GLRA2: variants seen among roughly 807,000 people sequenced by gnomAD.
GLRA2 encodes the protein glycine receptor alpha 2.
Under a neutral mutation model 31.6 loss-of-function variants are expected in GLRA2, and 11 were observed. The observed-to-expected ratio is 0.35, with a 90% CI of 0.22 to 0.58. GLRA2 has a LOEUF of 0.58. Ranked by LOEUF, GLRA2 falls within the 20% of genes least tolerant of loss-of-function variation. GLRA2 has a pLI of 0.84. For missense variants in GLRA2, 212 were observed against 351.8 expected, an observed-to-expected ratio of 0.60 and a Z score of 3.18; for synonymous variants, 132 against 134.0, an observed-to-expected ratio of 0.99 and a Z score of 0.10.
In GLRA2 at chrX:14,614,859, TAGG is replaced by T. The variant is rs1293186928; in HGVS notation, c.930+5657_930+5659del. 5.4e-5 allele frequency among the ~76,000 whole-genome samples: 6 copies of T among 111,870 alleles called. No homozygotes were observed. The East Asian group carries it at 1.4e-3, about 27-fold the overall frequency. ...GTATAAACCACCTTCTATCCATCTT[TAGG>T]AGAACAGGGAGAATGCCACAGCACT... is the stretch of plus-strand genomic sequence containing the variant. On this transcript the variant is annotated intron_variant, in intron 7 of 8. Coordinates refer to ENST00000218075, the MANE Select transcript of GLRA2 (RefSeq NM_002063.4).
At chrX:14,723,656 C>T (rs750457899) in intron 8 of GLRA2, among the ~76,000 whole-genome samples, 18 of 111,680 alleles carry the variant, frequency 1.6e-4, no homozygotes, top group Non-Finnish European at 3.0e-4. Context: ...CCACACTCCC[C>T]CTGTATTCCA....
the GLRA2 span, among the ~76,000 whole-genome samples, chrX:14,506,100 T>G: frequency 7.2e-5 from 8 of 111,550 alleles, no homozygotes; most frequent in Admixed American, 3.8e-4. Context: ...CTTTGCTTAC[T>G]CTCAAAGTCA....
At chrX:14,508,191 C>T in the GLRA2 span, among the ~76,000 whole-genome samples, 1 of 111,954 alleles carries the variant, frequency 8.9e-6, no homozygotes, top group East Asian at 2.8e-4. Flanking sequence ...AAATCTGTTT[C>T]AAAAGCACAC....
intron 4 of GLRA2, among the ~76,000 whole-genome samples, chrX:14,601,181 T>C (rs1035071607): frequency 1.8e-5 from 2 of 111,621 alleles, no homozygotes; most frequent in African/African-American, 6.5e-5. Flanking sequence ...AACTCCATAA[T>C]TGACAACAAT....
chrX:14,531,388 A>G (rs966790599), intron 1 of GLRA2, among the ~76,000 whole-genome samples: 2 of 111,625 alleles, frequency 1.8e-5, no homozygotes, highest in Admixed American at 1.9e-4. Flanking sequence ...GTTAACCACT[A>G]TGTATTGTGA....
chrX:14,691,401 C>G (rs1308062940), intron 8 of GLRA2, among the ~76,000 whole-genome samples: 5 of 108,865 alleles, frequency 4.6e-5, no homozygotes, highest in African/African-American at 1.7e-4. Context: ...GTAAATTATG[C>G]CGTACCCATG....
chrX:14,574,797 A>C (rs2089930670), intron 3 of GLRA2, among the ~76,000 whole-genome samples: 1 of 112,182 alleles, frequency 8.9e-6, no homozygotes, highest in Non-Finnish European at 1.9e-5. Context: ...TTGATGTTTT[A>C]ATGGTTTTCT....
chrX:14,566,452 C>G (rs1003130707), intron 2 of GLRA2, among the ~76,000 whole-genome samples: 2 of 111,977 alleles, frequency 1.8e-5, no homozygotes, highest in African/African-American at 6.5e-5. Context: ...ATGAGTCCAG[C>G]ATTACTCTAA....
chrX:14,452,642 GAT>G, the GLRA2 span, among the ~76,000 whole-genome samples: 1 of 112,211 alleles, frequency 8.9e-6, no homozygotes, highest in Non-Finnish European at 1.9e-5. Context: ...TTACAGAAGA[GAT>G]AGTACTTGAT....
rs749319419 is a variant in GLRA2, at chrX:14,583,172, T to C, written c.494+1766T>C. On this transcript the variant is annotated intron_variant, in intron 4 of 8. Transcript: ENST00000218075. Reference sequence around the variant, plus strand: ...TATTAAAAAGTCAAAAAATAACACATGCTGGTGAGGTCACAGAGAAAACGG... The same window carrying C: ...TATTAAAAAGTCAAAAAATAACACACGCTGGTGAGGTCACAGAGAAAACGG... Among the ~76,000 whole-genome samples the C allele has an allele frequency of 2.7e-5, 3 of 111,755 alleles. No homozygotes were observed. The South Asian group carries it at 1.1e-3, about 42-fold the overall frequency.
intron 2 of GLRA2, among the ~76,000 whole-genome samples, chrX:14,572,564 T>C (rs759569388): frequency 3.6e-5 from 4 of 112,256 alleles, no homozygotes; most frequent in Non-Finnish European, 7.5e-5. Context: ...TGCTTTGTTT[T>C]GAGTAATCAA....
At chrX:14,499,574 G>T in the GLRA2 span, among the ~76,000 whole-genome samples, 1 of 111,264 alleles carries the variant, frequency 9.0e-6, no homozygotes, top group African/African-American at 3.3e-5. Context: ...GATGCAGCTG[G>T]AGGCCACTAT....
intron 4 of GLRA2, among the ~76,000 whole-genome samples, chrX:14,593,905 A>G (rs1274105404): frequency 8.8e-6 from 1 of 113,066 alleles, no homozygotes; most frequent in Non-Finnish European, 1.9e-5. Context: ...AGCTCATAAC[A>G]GAGGTGACAG....
intron 3 of GLRA2, among the ~76,000 whole-genome samples, chrX:14,574,904 T>C (rs769911797): frequency 9.0e-6 from 1 of 111,128 alleles, no homozygotes; most frequent in South Asian, 3.8e-4. Flanking sequence ...GTTTGAGAGA[T>C]GTAACAGTAT....
At chrX:14,669,434 C>T (rs374852837) in intron 7 of GLRA2, among the ~76,000 whole-genome samples, 4 of 111,655 alleles carry the variant, frequency 3.6e-5, no homozygotes, top group African/African-American at 1.3e-4. Context: ...GGGCTCCCAA[C>T]CCACATTTCA....
chrX:14,468,698 T>G, the GLRA2 span, among the ~76,000 whole-genome samples: 4 of 111,758 alleles, frequency 3.6e-5, no homozygotes, highest in Non-Finnish European at 7.5e-5. Flanking sequence ...GATGGCTGGG[T>G]CAAATGGTAT....
intron 8 of GLRA2, among the ~76,000 whole-genome samples, chrX:14,699,514 A>T (rs1362487023): frequency 8.9e-6 from 1 of 112,475 alleles, no homozygotes; most frequent in Non-Finnish European, 1.9e-5. Context: ...AAGGTTTTAT[A>T]CATTGTATTA....
At chrX:14,704,803 T>G (rs2091596582) in intron 8 of GLRA2, among the ~76,000 whole-genome samples, 1 of 112,179 alleles carries the variant, frequency 8.9e-6, no homozygotes, top group African/African-American at 3.2e-5. Flanking sequence ...CAGTGTTTTG[T>G]TTTAGATAAG....
intron 4 of GLRA2, among the ~76,000 whole-genome samples, chrX:14,583,011 G>A (rs1422805128): frequency 9.0e-6 from 1 of 111,581 alleles, no homozygotes; most frequent in Non-Finnish European, 1.9e-5. Context: ...CAGAGTAAAT[G>A]TTTGATAAAT....
Sources: allele counts gnomAD v4.1 joint callset (sites outside exome capture counted in the v4.1 genomes callset), GRCh38; gene constraint gnomAD v4.1.1; transcripts MANE v1.5; gene names NCBI Gene and HGNC (gene_info 2026-07-23, HGNC 2026-07-21).